Variants in DDX6 observed in about 807,000 individuals in gnomAD.
DDX6 encodes probable ATP-dependent RNA helicase DDX6.
A neutral mutation model predicts 60.6 loss-of-function variants in DDX6; 7 were observed. That is an observed-to-expected ratio of 0.12 (90% confidence interval 0.07 to 0.22). The LOEUF (loss-of-function observed/expected upper bound fraction) is 0.22, where lower values mean the gene tolerates loss of function less well. Ranked by LOEUF, DDX6 falls within the 10% of genes least tolerant of loss-of-function variation. The pLI, the probability that DDX6 is intolerant of heterozygous loss-of-function variation, is 1.00. For synonymous variants in DDX6, 207 were observed against 201.0 expected (o/e 1.03, Z -0.25); for missense variants, 270 against 589.9 (o/e 0.46, Z 5.62).
intron 2 of DDX6, among the ~76,000 whole-genome samples, chr11:118,785,387 TAG>T (rs1221651967): frequency 6.6e-6 from 1 of 151,892 alleles, no homozygotes; most frequent in African/African-American, 2.4e-5. Context: ...TTTTTTTGGG[TAG>T]AGACAGAGTC....
chr11:118,765,729 G>A (rs1050821767), intron 5 of DDX6, among the ~76,000 whole-genome samples: 21 of 151,236 alleles, frequency 1.4e-4, no homozygotes, highest in African/African-American at 3.9e-4. Flanking sequence ...AGGCAAGATC[G>A]CGCCACTGCA....
chr11:118,789,744 T>G (rs1862202349), intron 1 of DDX6: 1 of 152,154 alleles, frequency 6.6e-6, no homozygotes, highest in Non-Finnish European at 1.5e-5. Context: ...CCGAACGATA[T>G]CATCATTACT....
At position 118,750,463 on chromosome 11, in the gene DDX6, GAA is replaced by G. The variant is rs1860720590; in HGVS notation, c.*1640_*1641del. On this transcript the variant is annotated 3_prime_UTR_variant, in exon 14 of 14. Coordinates refer to ENST00000534980, the MANE Select transcript of DDX6 (RefSeq NM_004397.6). Reference sequence around the variant, plus strand: ...AATGGCAAGCAGCTTTCTGTAGCATGAAAGTTAACAGCTCTCAGGTTGCCCAT... The same window carrying G: ...AATGGCAAGCAGCTTTCTGTAGCATGAGTTAACAGCTCTCAGGTTGCCCAT... 6.6e-6 allele frequency: 1 copy of G among 152,178 alleles called. No individual in the cohort carries two copies. Among genetic ancestry groups the G allele is most frequent in the Non-Finnish European group, 1.5e-5 (1 of 68,032 alleles). 9.4% of individuals were successfully genotyped at this position (152,178 alleles called of 1,614,324 possible).
intron 4 of DDX6, among the ~76,000 whole-genome samples, chr11:118,778,811 C>T (rs534749953): frequency 3.3e-5 from 5 of 152,090 alleles, no homozygotes; most frequent in South Asian, 4.2e-4. Context: ...CTGCATTATT[C>T]GGGCTGAGAA....
chr11:118,751,289 T>C lies in DDX6; in HGVS notation c.*816A>G, dbSNP rs1236805582. 6.6e-6 allele frequency: 1 copy of C among 152,124 alleles called. No individual in the cohort carries two copies. Among genetic ancestry groups the C allele is most frequent in the African/African-American group, 2.4e-5 (1 of 41,488 alleles). 9.4% of individuals were successfully genotyped at this position (152,124 alleles called of 1,614,324 possible). On this transcript the variant is annotated 3_prime_UTR_variant, in exon 14 of 14. Transcript: ENST00000534980. ...AAGGCTTGTCATATGGCTCCTGCAA[T>C]GATAGACTGCTCTTTCCTTTGGGAG...
chr11:118,773,377 G>C (rs558656553), intron 4 of DDX6, among the ~76,000 whole-genome samples: 6 of 152,064 alleles, frequency 3.9e-5, no homozygotes, highest in African/African-American at 1.4e-4. Context: ...AGACCATCCT[G>C]GCTAACATGG....
intron 8 of DDX6, 22 bp downstream of exon 8, chr11:118,759,900 C>G (rs1861107895): frequency 6.2e-7 from 1 of 1,603,792 alleles, no homozygotes; most frequent in Non-Finnish European, 8.5e-7. Context: ...GGCACTGATT[C>G]CAAGTACAGA....
intron 4 of DDX6, among the ~76,000 whole-genome samples, chr11:118,775,982 A>G (rs1290065915): frequency 5.3e-5 from 8 of 152,022 alleles, no homozygotes; most frequent in Non-Finnish European, 1.2e-4. Context: ...AACAAAAACA[A>G]AAACAAAAAC....
intron 4 of DDX6, among the ~76,000 whole-genome samples, chr11:118,771,730 T>A (rs1332316994): frequency 1.3e-5 from 2 of 152,252 alleles, no homozygotes; most frequent in Non-Finnish European, 2.9e-5. Flanking sequence ...TAAACAGGAT[T>A]AGTTTGCCCA....
At chr11:118,769,587 G>A (rs186700137) in intron 4 of DDX6, among the ~76,000 whole-genome samples, 2 of 152,162 alleles carry the variant, frequency 1.3e-5, no homozygotes, top group East Asian at 3.9e-4. Flanking sequence ...AACAGCCTGG[G>A]CAACATGGCA....
chr11:118,764,387 A>G (rs1861278260), intron 6 of DDX6, among the ~76,000 whole-genome samples: 1 of 152,184 alleles, frequency 6.6e-6, no homozygotes, highest in South Asian at 2.1e-4. Flanking sequence ...TAACGTATTT[A>G]GTTAGCCAAT....
chr11:118,772,018 ATG>A (rs1478212017), intron 4 of DDX6, among the ~76,000 whole-genome samples: 1 of 126,282 alleles, frequency 7.9e-6, no homozygotes, highest in Non-Finnish European at 1.8e-5. Flanking sequence ...AGTTCCTTCT[ATG>A]TTTTTTTTTA....
rs566569398 is a variant in DDX6 at position 118,786,512 on chromosome 11, C to T, written c.-261G>A. ...CTTGAGTTATATCTGAATTCACTCA[C>T]GTCAATCTGAAACAAACAAACAAAA... On this transcript the variant is annotated 5_prime_UTR_variant, in exon 2 of 14. It adds an upstream start codon to the 5' untranslated region. Transcript: ENST00000534980. 6.6e-6 allele frequency: 2 copies of T among 303,746 alleles called. No individual in the cohort carries two copies. The highest frequency in any genetic ancestry group is 1.5e-4 in the South Asian group (1 of 6,744). 18.8% of individuals were successfully genotyped at this position (303,746 alleles called of 1,614,324 possible). A position where few individuals can be genotyped will look rare whatever the true frequency, so the allele number is the denominator to read the frequency against.
intron 4 of DDX6, among the ~76,000 whole-genome samples, chr11:118,770,566 G>C (rs1003305505): frequency 6.6e-6 from 1 of 152,088 alleles, no homozygotes; most frequent in Non-Finnish European, 1.5e-5. Flanking sequence ...CATATGGTCA[G>C]AACAACACAG....
Position 118,781,122 on chromosome 11 carries a change from G to A in DDX6, c.263C>T (p.Ser88Leu), listed in dbSNP as rs782677081. The change falls in exon 3 of 14, where the codon TCG becomes TTG. Residue 88 changes from serine (S) to leucine (L), a missense_variant and splice_region_variant. Ser to Leu is a moderately radical substitution (Grantham distance 145). Around this residue, in one of 8 missense-constraint regions of DDX6, gnomAD observed 102 missense variants for 110.5 expected, o/e 0.92. Coordinates refer to ENST00000534980, the MANE Select transcript of DDX6 (RefSeq NM_004397.6). ...LPPKDLRIKT[S>L]DVTSTKGNEF... is the part of the protein sequence containing the mutation. ...ACTTGTATTTTACAACCAACTTACCGAAGTTTTGATTCTTAGATCCTTTGG... is the reference window on the plus strand; with the variant it reads ...ACTTGTATTTTACAACCAACTTACCAAAGTTTTGATTCTTAGATCCTTTGG... 4.4e-6 allele frequency: 7 copies of A among 1,596,668 alleles called. No homozygotes were observed. Among genetic ancestry groups the A allele is most frequent in the East Asian group, 2.2e-5 (1 of 44,652 alleles).
At chr11:118,761,766 G>GT (rs1861174322) in intron 7 of DDX6, among the ~76,000 whole-genome samples, 1 of 150,076 alleles carries the variant, frequency 6.7e-6, no homozygotes, top group Non-Finnish European at 1.5e-5. Context: ...AGTATAAAAC[G>GT]TATTTTATAA....
chr11:118,767,369 ATAAT>A (rs1861388320), intron 5 of DDX6, among the ~76,000 whole-genome samples: 1 of 152,236 alleles, frequency 6.6e-6, no homozygotes, highest in Admixed American at 6.5e-5. Flanking sequence ...GGAAGAAAAG[ATAAT>A]TACAGATCAC....
chr11:118,758,997 A>G (rs1185968281), intron 8 of DDX6, 95 bp from the exon 9 acceptor site: 8 of 1,497,580 alleles, frequency 5.3e-6, no homozygotes, highest in Non-Finnish European at 6.3e-6. Flanking sequence ...TCTGTCCGAT[A>G]AACTCTTGCT....
At chr11:118,760,160 G>A in intron 7 of DDX6, 116 bp from the exon 8 acceptor site, 1 of 982,308 alleles carries the variant, frequency 1.0e-6, no homozygotes, top group African/African-American at 1.7e-5. Flanking sequence ...AAATGTTCCT[G>A]GTGGAAAACA....
Sources: gnomAD v4.1 joint callset for allele counts (sites outside exome capture counted in the v4.1 genomes callset) on GRCh38, gnomAD v4.1.1 for gene constraint, gnomAD v4.1.1 regional missense constraint, MANE v1.5 for transcripts, NCBI Gene and HGNC (gene_info 2026-07-23, HGNC 2026-07-21) for gene names.